The following NAV2 variants were observed in gnomAD, a reference collection of about 807,000 sequenced individuals.
NAV2 encodes the protein helicase, APC down-regulated 1.
A neutral mutation model predicts 223.2 loss-of-function variants in NAV2; 54 were observed. That is an observed-to-expected ratio of 0.24 (90% CI 0.19 to 0.30). The LOEUF (loss-of-function observed/expected upper bound fraction) is 0.30. Among genes scored for constraint, NAV2 ranks in the 10% least tolerant of loss-of-function variants. The pLI is 1.00. For missense variants in NAV2, 2,806 were observed against 3,147.5 expected, an observed-to-expected ratio of 0.89 and a Z score of 2.60; for synonymous variants, 1,279 against 1,239.3, an observed-to-expected ratio of 1.03 and a Z score of -0.67.
chr11:19,350,795 T>C (rs1853263795), exon 1 of NAV2: 2 of 691,542 alleles, frequency 2.9e-6, no homozygotes, highest in Non-Finnish European at 5.0e-6. Context: ...GAGTGGATTT[T>C]AAGAAGACAG....
chr11:19,815,165 GT>G (rs2059032130), intron 1 of NAV2, among the ~76,000 whole-genome samples: 1 of 152,140 alleles, frequency 6.6e-6, no homozygotes, highest in Non-Finnish European at 1.5e-5. Flanking sequence ...TTTTCACACA[GT>G]TTTGAGGTCA....
At chr11:19,746,508 G>A (rs1330432666) in intron 1 of NAV2, among the ~76,000 whole-genome samples, 2 of 152,108 alleles carry the variant, frequency 1.3e-5, no homozygotes, top group Non-Finnish European at 2.9e-5. Context: ...TTTTATTTAT[G>A]GAGCATGTTT....
intron 1 of NAV2, among the ~76,000 whole-genome samples, chr11:19,675,123 A>C (rs1159059667): frequency 6.6e-6 from 1 of 152,156 alleles, no homozygotes; most frequent in Non-Finnish European, 1.5e-5. Flanking sequence ...CAGGATCCTT[A>C]GCATGGTAAA....
At chr11:20,108,617 T>TG (rs1419455151) in intron 36 of NAV2, among the ~76,000 whole-genome samples, 15 of 151,222 alleles carry the variant, frequency 9.9e-5, no homozygotes, top group African/African-American at 3.7e-4. Flanking sequence ...TTTTTTTTTT[T>TG]TTTTTTTGGA....
At chr11:19,841,918 T>A (rs1158123638) in intron 2 of NAV2, among the ~76,000 whole-genome samples, 1 of 152,222 alleles carries the variant, frequency 6.6e-6, no homozygotes, top group Non-Finnish European at 1.5e-5. Context: ...ATTGCTTCTC[T>A]TGTGAAGCAG....
chr11:19,756,536 T>G (rs7931965), intron 1 of NAV2, among the ~76,000 whole-genome samples: 1 of 152,292 alleles, frequency 6.6e-6, no homozygotes, highest in Admixed American at 6.5e-5. Context: ...GGAATCTGAT[T>G]GGCTCCGTGT....
intron 1 of NAV2, among the ~76,000 whole-genome samples, chr11:19,676,205 T>C (rs1044124887): frequency 6.6e-6 from 1 of 152,208 alleles, no homozygotes; most frequent in African/African-American, 2.4e-5. Context: ...ATAATAAGAA[T>C]ATTTTAGGTT....
At chr11:19,791,725 T>C (rs1275708175) in intron 1 of NAV2, among the ~76,000 whole-genome samples, 4 of 152,114 alleles carry the variant, frequency 2.6e-5, no homozygotes, top group African/African-American at 9.7e-5. Flanking sequence ...GCACTCAGTC[T>C]CCCCAGAAGA....
intron 10 of NAV2, among the ~76,000 whole-genome samples, chr11:19,978,044 C>G (rs565434915): frequency 1.3e-5 from 2 of 151,434 alleles, no homozygotes; most frequent in Non-Finnish European, 2.9e-5. Context: ...AGGCAGGTCT[C>G]AAGCTCCTGA....
At chr11:20,084,427 A>G (rs776855266) in intron 26 of NAV2, among the ~76,000 whole-genome samples, 1 of 152,172 alleles carries the variant, frequency 6.6e-6, no homozygotes, top group Non-Finnish European at 1.5e-5. Flanking sequence ...AACCTCACCC[A>G]CTATTGAAAC....
intron 1 of NAV2, among the ~76,000 whole-genome samples, chr11:19,790,047 G>C (rs2057409682): frequency 6.6e-6 from 1 of 152,252 alleles, no homozygotes; most frequent in East Asian, 1.9e-4. Context: ...TTTGCCAAGG[G>C]GGAAAAACCA....
intron 1 of NAV2, among the ~76,000 whole-genome samples, chr11:19,388,709 A>G (rs1371042324): frequency 6.6e-6 from 1 of 152,154 alleles, no homozygotes; most frequent in African/African-American, 2.4e-5. Flanking sequence ...GCTGGGCAAG[A>G]TAATATCTGT....
intron 1 of NAV2, among the ~76,000 whole-genome samples, chr11:19,417,349 C>T (rs1850416261): frequency 6.6e-6 from 1 of 152,172 alleles, no homozygotes; most frequent in Non-Finnish European, 1.5e-5. Context: ...GAAAAAAGCT[C>T]ATCATCACTG....
Position 19,713,865 on chromosome 11 carries a change from C to G in NAV2, c.170C>G (p.Pro57Arg), listed in dbSNP as rs141966195. 1,560 of 1,613,716 alleles carry G rather than the reference C, an allele frequency of 9.7e-4. 22 individuals are homozygous for G. The African/African-American group carries it at 0.018, about 19-fold the overall frequency. Residue 57 changes from proline to arginine, a missense_variant, in exon 1 of 38, where the codon CCC becomes CGC. Pro to Arg is a moderately radical substitution (Grantham distance 103). This residue lies in a region of NAV2 where 1,167 missense variants were observed against 1,180.5 expected (regional missense o/e 0.99). Coordinates refer to ENST00000349880, the MANE Select transcript of NAV2 (RefSeq NM_145117.5). The surrounding 1 kb of genome is among the most constrained non-coding windows in gnomAD (Gnocchi z 7.2). ...AAGACCACCTATCCTAGCCAGATCC[C>G]CCTGAAATCGCAGGTGCTGCAGGGG... Reference protein sequence around the residue: ...VSKTTYPSQIPLKSQVLQGLQ... With the variant: ...VSKTTYPSQIRLKSQVLQGLQ...
intron 11 of NAV2, among the ~76,000 whole-genome samples, chr11:19,989,778 G>A (rs2051146836): frequency 6.6e-6 from 1 of 152,074 alleles, no homozygotes; most frequent in South Asian, 2.1e-4. Flanking sequence ...GAGAGGGTGA[G>A]TAAACGTGCC....
chr11:19,921,795 T>C (rs1031811747), intron 6 of NAV2, among the ~76,000 whole-genome samples: 3 of 152,252 alleles, frequency 2.0e-5, no homozygotes, highest in African/African-American at 4.8e-5. Flanking sequence ...ATTACCTACC[T>C]CATTGGATTT....
At chr11:19,849,779 A>G (rs931416658) in intron 3 of NAV2, among the ~76,000 whole-genome samples, 1 of 152,234 alleles carries the variant, frequency 6.6e-6, no homozygotes, top group Non-Finnish European at 1.5e-5. Flanking sequence ...AAAGCAAAGT[A>G]GAAAGAGCTC....
intron 1 of NAV2, among the ~76,000 whole-genome samples, chr11:19,819,812 G>C (rs1483539945): frequency 2.0e-5 from 3 of 152,370 alleles, no homozygotes; most frequent in East Asian, 1.9e-4. Context: ...GGCTTAGAGA[G>C]TGGTGGATTG....
chr11:19,665,534 T>G (rs181143535), intron 1 of NAV2, among the ~76,000 whole-genome samples: 1 of 152,140 alleles, frequency 6.6e-6, no homozygotes, highest in Admixed American at 6.5e-5. Flanking sequence ...TTCTGTAAAA[T>G]GGGGATATTA....
Sources: allele counts gnomAD v4.1 joint callset (sites outside exome capture counted in the v4.1 genomes callset), GRCh38; gene constraint gnomAD v4.1.1; regional missense constraint gnomAD v4.1.1; non-coding constraint Gnocchi (gnomAD v3.1); transcripts MANE v1.5; gene names NCBI Gene and HGNC (gene_info 2026-07-23, HGNC 2026-07-21).